Variants in USP29 observed in about 807,000 individuals in gnomAD.
The protein encoded by USP29 is ubiquitin specific peptidase 29.
For synonymous variants in USP29, 386 were observed against 387.4 expected, an observed-to-expected ratio of 1.00 and a Z score of 0.04; for missense variants, 1,102 against 1,069.0, an observed-to-expected ratio of 1.03 and a Z score of -0.43.
chr19:57,130,385 T>G lies in USP29; in HGVS notation c.1710T>G (p.Ile570Met). The G allele has an allele frequency of 6.2e-7, 1 of 1,614,206 alleles. No homozygotes were observed. The highest frequency in any genetic ancestry group is 1.1e-5 in the South Asian group (1 of 91,082). ...TCCTGGAAGTCTCTCAGGAGATGAT[T>G]TCTGAGATCAACAGCCCATTGACAC... ...CEVLEVSQEM[I>M]SEINSPLTPS... Residue 570 changes from isoleucine (I) to methionine (M), a missense_variant, in exon 4 of 4, where the codon ATT becomes ATG. By Grantham distance (10) the Ile-to-Met change is conservative (BLOSUM62 1). Coordinates refer to ENST00000254181, the MANE Select transcript of USP29 (RefSeq NM_020903.3).
chr19:57,121,912 G>A lies in USP29; in HGVS notation c.-267-413G>A, dbSNP rs746041110. On this transcript the variant is annotated intron_variant, in intron 1 of 3. Transcript: ENST00000254181. ...GTGGATTACTGGAGGTCAGGAGTTC[G>A]AGACCTGGGCAACATAGCAAGACCT... 2.4e-3 allele frequency among the ~76,000 whole-genome samples: 358 copies of A among 151,478 alleles called. 2 individuals are homozygous for A. The highest frequency in any genetic ancestry group is 6.8e-3 in the Middle Eastern group (2 of 292).
intron 3 of USP29, among the ~76,000 whole-genome samples, chr19:57,124,890 A>G (rs555601085): frequency 2.2e-4 from 33 of 152,318 alleles, no homozygotes; most frequent in African/African-American, 5.3e-4. Context: ...GTAGTACAAC[A>G]AACAATAAAC....
At position 57,130,416 on chromosome 19, in the gene USP29, A is replaced by C. The variant is rs370590594; in HGVS notation, c.1741A>C (p.Met581Leu). Residue 581 changes from methionine to leucine, a missense_variant, in exon 4 of 4, where the codon ATG becomes CTG. Coordinates refer to ENST00000254181, the MANE Select transcript of USP29 (RefSeq NM_020903.3). ...GATCAACAGCCCATTGACACCATCAATGAAGCTGACCTCAGAATCCAGTGA... is the reference window on the plus strand; with the variant it reads ...GATCAACAGCCCATTGACACCATCACTGAAGCTGACCTCAGAATCCAGTGA... ...SEINSPLTPSMKLTSESSDSL... is the reference protein window; with the variant it reads ...SEINSPLTPSLKLTSESSDSL... The C allele has an allele frequency of 6.2e-7, 1 of 1,614,212 alleles. No individual in the cohort carries two copies. The highest frequency in any genetic ancestry group is 8.5e-7 in the Non-Finnish European group (1 of 1,180,028).
Position 57,128,612 on chromosome 19 carries a change from CT to C in USP29, c.-16-47del. The C allele has an allele frequency of 6.8e-6, 10 of 1,472,768 alleles. No individual in the cohort carries two copies. The South Asian group carries it at 1.5e-4, about 22-fold the overall frequency. The allele number at this position is 1,472,768 out of a possible 1,614,324, so 91.2% of individuals were successfully genotyped here. A position where few individuals can be genotyped will look rare whatever the true frequency, so the allele number is the denominator to read the frequency against. On this transcript the variant is annotated intron_variant, in intron 3 of 3. Coordinates refer to ENST00000254181, the MANE Select transcript of USP29 (RefSeq NM_020903.3). ...GGATGAGGTTTTTCATAAAATATAA[CT>C]GTTAATATATTCTTGGTTAAAATGC...
At chr19:57,123,394 G>A (rs938388378) in intron 2 of USP29, among the ~76,000 whole-genome samples, 5 of 152,150 alleles carry the variant, frequency 3.3e-5, no homozygotes, top group African/African-American at 9.7e-5. Context: ...CTTAGAATTA[G>A]CAATAGGAAT....
rs2086839632 is a variant in USP29, at chr19:57,129,114, C to T, written c.439C>T (p.Pro147Ser). The T allele has an allele frequency of 6.2e-7, 1 of 1,612,682 alleles. No homozygotes were observed. The highest frequency in any genetic ancestry group is 8.5e-7 in the Non-Finnish European group (1 of 1,179,524). ...TAACAAGCCAAGTTATCAGAAGATG[C>T]CTTTGTTTATGTCAAAATCACCAAC... is the stretch of plus-strand genomic sequence containing the variant. Reference protein sequence around the residue: ...ICNKPSYQKMPLFMSKSPTHV... With the variant: ...ICNKPSYQKMSLFMSKSPTHV... The change falls in exon 4 of 4, where the codon CCT (proline) becomes TCT (serine). Residue 147 changes from proline to serine, a missense_variant. Transcript: ENST00000254181.
intron 1 of USP29, among the ~76,000 whole-genome samples, chr19:57,121,600 ATATGTTATATATGCTTATATG>A (rs1386817691): frequency 5.5e-5 from 8 of 146,346 alleles, no homozygotes; most frequent in South Asian, 2.1e-4. Flanking sequence ...ATATACTTAT[ATATGTTATATATGCTTATATG>A]TATGTTATAT....
chr19:57,121,497 TTA>T (rs1367510565), intron 1 of USP29, among the ~76,000 whole-genome samples: 14 of 127,532 alleles, frequency 1.1e-4, no homozygotes, highest in African/African-American at 2.7e-4. Context: ...TTATATATAC[TTA>T]TATATGTTAT....
In USP29 at chr19:57,130,060, C is replaced by T. The variant is rs756677087; in HGVS notation, c.1385C>T (p.Thr462Ile). Residue 462 changes from threonine to isoleucine, a missense_variant, in exon 4 of 4, where the codon ACA (threonine) becomes ATA (isoleucine). Coordinates refer to ENST00000254181, the MANE Select transcript of USP29 (RefSeq NM_020903.3). ...NYLSINLHQE[T>I]KPLPLSIQNS... ...CTCTCCATCAACCTGCACCAAGAAA[C>T]AAAACCACTTCCTTTGTCCATTCAG... 2.5e-6 allele frequency: 4 copies of T among 1,613,418 alleles called. No homozygotes were observed. Among genetic ancestry groups the T allele is most frequent in the African/African-American group, 1.3e-5 (1 of 74,888 alleles).
In USP29 at chr19:57,129,242, T is replaced by A; in HGVS notation, c.567T>A (p.Pro189=). The A allele has an allele frequency of 6.2e-7, 1 of 1,613,022 alleles. No individual in the cohort carries two copies. The highest frequency in any genetic ancestry group is 1.1e-5 in the South Asian group (1 of 90,796). The change falls in exon 4 of 4, where the codon CCT becomes CCA. Residue 189 remains proline (P), a synonymous_variant. Coordinates refer to ENST00000254181, the MANE Select transcript of USP29 (RefSeq NM_020903.3). ...AGGACATTCTGAAGGAAGATAACCC[T>A]GTACCAAACAAGAAATATAAGACAG... The part of the protein sequence containing the change: ...TNEDILKEDN[P]VPNKKYKTDS...
At chr19:57,122,160 C>T (rs2086801041) in intron 1 of USP29, among the ~76,000 whole-genome samples, 165 bp from the exon 2 acceptor site, 1 of 151,910 alleles carries the variant, frequency 6.6e-6, no homozygotes, top group Non-Finnish European at 1.5e-5. Flanking sequence ...AAATAAGTCA[C>T]TATCTAGCCT....
intron 3 of USP29, among the ~76,000 whole-genome samples, chr19:57,124,616 C>A (rs1443434628): frequency 6.6e-6 from 1 of 151,910 alleles, no homozygotes; most frequent in Non-Finnish European, 1.5e-5. Context: ...TCAAGCGATT[C>A]TCCTGCCTCA....
At chr19:57,120,404 G>A (rs2086788266) in intron 1 of USP29, 175 bp downstream of exon 1, 1 of 152,418 alleles carries the variant, frequency 6.6e-6, no homozygotes, top group Non-Finnish European at 1.5e-5. Context: ...GATGACTTGA[G>A]CCTTGGGGAT....
At chr19:57,123,798 A>G (rs1162375054) in intron 2 of USP29, among the ~76,000 whole-genome samples, 1 of 152,324 alleles carries the variant, frequency 6.6e-6, no homozygotes, top group Non-Finnish European at 1.5e-5. Flanking sequence ...GTCAGTTGAT[A>G]TATTAATCTA....
chr19:57,124,684 T>G (rs1183655009), intron 3 of USP29, among the ~76,000 whole-genome samples: 1 of 151,970 alleles, frequency 6.6e-6, no homozygotes, highest in Non-Finnish European at 1.5e-5. Context: ...AATTTTTGTA[T>G]TTTTAGTAGA....
At chr19:57,127,714 T>A (rs2086830808) in intron 3 of USP29, among the ~76,000 whole-genome samples, 1 of 152,150 alleles carries the variant, frequency 6.6e-6, no homozygotes, top group Non-Finnish European at 1.5e-5. Flanking sequence ...CTTGCTGGGC[T>A]CCATGGGAGT....
rs2086842482 is a variant in USP29 at position 57,129,442 on chromosome 19, C to A, written c.767C>A (p.Ser256Tyr). The change falls in exon 4 of 4, where the codon TCT (serine) becomes TAT (tyrosine). Residue 256 changes from serine (S) to tyrosine (Y), a missense_variant. By Grantham distance (144) the Ser-to-Tyr change is moderately radical (BLOSUM62 -2). Transcript: ENST00000254181. ...CTCAATGCCAAAAATGGTTTGACAT[C>A]TCCATTGGAACCAGAGCACAGCCAG... is the stretch of plus-strand genomic sequence containing the variant. Reference protein sequence around the residue: ...QTLNAKNGLTSPLEPEHSQGD... With the variant: ...QTLNAKNGLTYPLEPEHSQGD... 2 of 1,614,208 alleles carry A rather than the reference C, an allele frequency of 1.2e-6. No individual in the cohort carries two copies. The highest frequency in any genetic ancestry group is 1.7e-6 in the Non-Finnish European group (2 of 1,180,040).
intron 3 of USP29, among the ~76,000 whole-genome samples, chr19:57,127,363 G>T (rs766261152): frequency 2.6e-5 from 4 of 152,198 alleles, no homozygotes; most frequent in Non-Finnish European, 5.9e-5. Context: ...GATTAAATCT[G>T]CTGAAGCTGT....
rs747389658 is a variant in USP29 at position 57,131,034 on chromosome 19, C to G, written c.2359C>G (p.Leu787Val). 2 of 1,614,026 alleles carry G rather than the reference C, an allele frequency of 1.2e-6. No homozygotes were observed. Among genetic ancestry groups the G allele is most frequent in the East Asian group, 2.2e-5 (1 of 44,890 alleles). The change falls in exon 4 of 4, where the codon CTG (leucine) becomes GTG (valine). Residue 787 changes from leucine (L) to valine (V), a missense_variant. Transcript: ENST00000254181. ...GGCTGACCTGAATCACCTTGGGGCACTGGGTTCTGACAACCCAGGAAACAA... is the reference window on the plus strand; with the variant it reads ...GGCTGACCTGAATCACCTTGGGGCAGTGGGTTCTGACAACCCAGGAAACAA... ...QKADLNHLGA[L>V]GSDNPGNKNI... is the part of the protein sequence containing the mutation.
Sources: allele counts gnomAD v4.1 joint callset (sites outside exome capture counted in the v4.1 genomes callset), GRCh38; gene constraint gnomAD v4.1.1; transcripts MANE v1.5; gene names NCBI Gene and HGNC (gene_info 2026-07-23, HGNC 2026-07-21).